Variants in RGS6 observed in about 807,000 individuals in gnomAD.
RGS6 encodes regulator of G protein signaling 6, also known as regulator of G-protein signaling 6.
RGS6 carries 30 observed loss-of-function variants against 78.5 expected under a neutral mutation model. That is an observed-to-expected ratio of 0.38 (90% CI 0.29 to 0.52). RGS6 has a LOEUF of 0.52. Ranked by LOEUF, RGS6 falls within the 20% of genes least tolerant of loss-of-function variation. The pLI, the probability that RGS6 is intolerant of heterozygous loss-of-function variation, is 0.85. For missense variants in RGS6, 495 were observed against 609.7 expected (o/e 0.81, Z 1.98); for synonymous variants, 206 against 206.0 (o/e 1.00, Z 0.00).
At chr14:71,875,513 T>C in the RGS6 span, among the ~76,000 whole-genome samples, 3 of 152,244 alleles carry the variant, frequency 2.0e-5, no homozygotes, top group African/African-American at 7.2e-5. Flanking sequence ...TTTTTTATTG[T>C]GTCTATTTGA....
chr14:71,931,743 C>A (rs2087879299), upstream of RGS6, among the ~76,000 whole-genome samples: 1 of 152,170 alleles, frequency 6.6e-6, no homozygotes. Context: ...TTTCAAAACT[C>A]CCACGTTAAA....
chr14:72,171,465 T>G (rs1218550184), intron 2 of RGS6, among the ~76,000 whole-genome samples: 1 of 152,228 alleles, frequency 6.6e-6, no homozygotes, highest in East Asian at 1.9e-4. Flanking sequence ...TTTCCCAACT[T>G]GAGGGTGCCC....
At chr14:72,622,184 C>T in the RGS6 span, among the ~76,000 whole-genome samples, 93 of 152,020 alleles carry the variant, frequency 6.1e-4, 1 homozygote, top group Middle Eastern at 9.5e-3. Context: ...AGAGTAAGTC[C>T]GTAGCTTTCA....
At chr14:71,928,538 A>G (rs1243099073), upstream of RGS6, among the ~76,000 whole-genome samples, 2 of 152,176 alleles carry the variant, frequency 1.3e-5, no homozygotes, top group African/African-American at 2.4e-5. Context: ...CATCGACGCA[A>G]TAGTTTTCTA....
chr14:72,131,266 A>G (rs1469193306), intron 2 of RGS6, among the ~76,000 whole-genome samples: 5 of 152,184 alleles, frequency 3.3e-5, no homozygotes, highest in African/African-American at 1.2e-4. Context: ...TTATCTCAGC[A>G]GGCCTAGCTT....
intron 2 of RGS6, among the ~76,000 whole-genome samples, chr14:72,218,531 C>A (rs1047363290): frequency 3.9e-5 from 6 of 152,070 alleles, no homozygotes; most frequent in African/African-American, 1.4e-4. Context: ...GGTTAGGTTT[C>A]TGCAAGCTCC....
At chr14:71,941,752 T>C (rs2090605626) in intron 1 of RGS6, among the ~76,000 whole-genome samples, 1 of 152,210 alleles carries the variant, frequency 6.6e-6, no homozygotes, top group Non-Finnish European at 1.5e-5. Flanking sequence ...AGGGTGGATC[T>C]GCCTTCCCCA....
At chr14:72,097,085 G>A (rs1280318841) in intron 2 of RGS6, among the ~76,000 whole-genome samples, 1 of 152,182 alleles carries the variant, frequency 6.6e-6, no homozygotes, top group African/African-American at 2.4e-5. Flanking sequence ...AATAGTAATT[G>A]GGAGTGAGTT....
chr14:72,017,457 G>A lies in RGS6; in HGVS notation c.84+52582G>A, dbSNP rs1401611627. 4.3e-4 allele frequency among the ~76,000 whole-genome samples: 65 copies of A among 152,082 alleles called. 1 individual carries two copies. On this transcript the variant is annotated intron_variant, in intron 2 of 17. Transcript: ENST00000553525. ...TTGATGTACTGACTTGGACTTTCAT[G>A]ATATCACCTGTTTTTGTTAATAAAG...
intron 3 of RGS6, among the ~76,000 whole-genome samples, chr14:72,452,287 C>A (rs896214399): frequency 1.2e-4 from 18 of 151,302 alleles, no homozygotes; most frequent in Non-Finnish European, 1.3e-4. Context: ...TGTTTTTGAT[C>A]TAAAGTTTGA....
intron 3 of RGS6, among the ~76,000 whole-genome samples, chr14:72,392,758 T>C (rs2090312290): frequency 6.6e-6 from 1 of 152,108 alleles, no homozygotes; most frequent in South Asian, 2.1e-4. Flanking sequence ...GTCTACAATG[T>C]GGAGAATGGT....
At chr14:72,433,416 G>A (rs1183821753) in intron 3 of RGS6, among the ~76,000 whole-genome samples, 1 of 151,760 alleles carries the variant, frequency 6.6e-6, no homozygotes, top group Non-Finnish European at 1.5e-5. Context: ...TGGGTTGATA[G>A]GTGCAGCAAA....
the RGS6 span, among the ~76,000 whole-genome samples, chr14:72,582,799 G>C: frequency 2.6e-5 from 4 of 152,254 alleles, no homozygotes; most frequent in East Asian, 7.7e-4. Flanking sequence ...CCTCCACCCT[G>C]TCTGGTTCAT....
At chr14:72,358,446 C>A (rs2529460) in intron 3 of RGS6, among the ~76,000 whole-genome samples, 89,539 of 152,202 alleles carry the variant, frequency 0.59, 28,417 homozygotes, top group African/African-American at 0.84. Flanking sequence ...GCAAAGCTAC[C>A]GGGTCAGAGC....
At chr14:72,060,609 G>A (rs1310000211) in intron 2 of RGS6, among the ~76,000 whole-genome samples, 2 of 152,138 alleles carry the variant, frequency 1.3e-5, no homozygotes, top group Non-Finnish European at 2.9e-5. Flanking sequence ...GTCAGAGCCA[G>A]TTTTTATTTA....
intron 2 of RGS6, among the ~76,000 whole-genome samples, chr14:72,090,112 C>CAA (rs760072084): frequency 0.012 from 540 of 44,206 alleles, 18 homozygotes; most frequent in African/African-American, 0.026. Flanking sequence ...GACTCCATCT[C>CAA]AAAAAAAAAA....
At chr14:72,069,591 G>C (rs1034950839) in intron 2 of RGS6, among the ~76,000 whole-genome samples, 1 of 152,136 alleles carries the variant, frequency 6.6e-6, no homozygotes, top group African/African-American at 2.4e-5. Context: ...CCAGGCTGGA[G>C]TGCAGTGGTG....
At chr14:72,484,231 G>C (rs1264732678) in intron 12 of RGS6, among the ~76,000 whole-genome samples, 1 of 152,162 alleles carries the variant, frequency 6.6e-6, no homozygotes, top group African/African-American at 2.4e-5. Flanking sequence ...TAGTGCATTT[G>C]TACTGTATTT....
At chr14:71,932,190 C>T (rs970802175), upstream of RGS6, among the ~76,000 whole-genome samples, 1 of 152,198 alleles carries the variant, frequency 6.6e-6, no homozygotes, top group Admixed American at 6.5e-5. Flanking sequence ...TTTTCTCCTC[C>T]TCGAGCAAAT....
Sources: allele counts gnomAD v4.1 joint callset (sites outside exome capture counted in the v4.1 genomes callset), GRCh38; gene constraint gnomAD v4.1.1; transcripts MANE v1.5; gene names NCBI Gene and HGNC (gene_info 2026-07-23, HGNC 2026-07-21).